Variants in CAMSAP2 observed in about 807,000 individuals in gnomAD.
CAMSAP2 encodes calmodulin-regulated spectrin-associated protein 2.
In CAMSAP2, 26 loss-of-function variants were observed where a neutral mutation model predicts 146.1. That is an observed-to-expected ratio of 0.18 (90% CI 0.13 to 0.25). The LOEUF is 0.25. Among genes scored for constraint, CAMSAP2 ranks in the 10% least tolerant of loss-of-function variants. CAMSAP2 has a pLI of 1.00. For synonymous variants in CAMSAP2, 499 were observed against 596.6 expected, an observed-to-expected ratio of 0.84 and a Z score of 2.38; for missense variants, 1,381 against 1,759.3, an observed-to-expected ratio of 0.78 and a Z score of 3.85.
intron 2 of CAMSAP2, among the ~76,000 whole-genome samples, chr1:200,786,748 T>G (rs1403201658): frequency 6.6e-6 from 1 of 152,182 alleles, no homozygotes; most frequent in Non-Finnish European, 1.5e-5. Context: ...AGGACTTGCA[T>G]AGCTAGAGAG....
chr1:200,739,884 C>T lies in CAMSAP2; in HGVS notation c.57C>T (p.Ile19=). Residue 19 remains isoleucine, a synonymous_variant, in exon 1 of 17, where the codon ATC becomes ATT. Transcript: ENST00000358823. The surrounding 1 kb of genome is among the most constrained non-coding windows in gnomAD (Gnocchi z 4.8). ...GAAAGACGTTCATTGTTCCAGCCAT[C>T]AAGCCTTTTGACCACTATGATTTCT... The part of the protein sequence containing the change: ...EMRKTFIVPA[I]KPFDHYDFSR... 6.2e-7 allele frequency: 1 copy of T among 1,614,182 alleles called. No homozygotes were observed. Among genetic ancestry groups the T allele is most frequent in the Non-Finnish European group, 8.5e-7 (1 of 1,180,022 alleles).
At chr1:200,841,938 T>C (rs1371656100) in intron 6 of CAMSAP2, 56 bp from the exon 7 acceptor site, 1 of 1,196,938 alleles carries the variant, frequency 8.4e-7, no homozygotes, top group Non-Finnish European at 1.2e-6. Context: ...ACAATAAAAT[T>C]CTGTTTATCA....
chr1:200,848,583 A>G lies in CAMSAP2; in HGVS notation c.1814A>G (p.Asn605Ser), dbSNP rs940484245. The G allele has an allele frequency of 6.8e-6, 11 of 1,614,068 alleles. No individual in the cohort carries two copies. The East Asian group carries it at 8.9e-5, about 13-fold the overall frequency. The stretch of plus-strand genomic sequence containing the variant: ...GGTGCCTTGAGTCCCATAACTGACA[A>G]TACTGAAGTAGACACTGGAATTCAC... Reference protein sequence around the residue: ...TKGALSPITDNTEVDTGIHVP... With the variant: ...TKGALSPITDSTEVDTGIHVP... The change falls in exon 11 of 17, where the codon AAT becomes AGT. Residue 605 changes from asparagine (N) to serine (S), a missense_variant. Physicochemically the swap from Asn to Ser is conservative, Grantham distance 46. This residue lies in a region of CAMSAP2 where 447 missense variants were observed against 462.2 expected (regional missense o/e 0.97). Transcript: ENST00000358823.
chr1:200,749,545 A>G (rs1664441117), intron 1 of CAMSAP2, among the ~76,000 whole-genome samples: 2 of 152,178 alleles, frequency 1.3e-5, no homozygotes, highest in African/African-American at 4.8e-5. Context: ...AATATTAGGT[A>G]TCTTGTTTTT....
In CAMSAP2 at chr1:200,857,873, A is replaced by G. The variant is rs1411385969; in HGVS notation, c.4251A>G (p.Ile1417Met). ...ETEEINKLTG[I>M]GPKSITKKMI... ...AAGAAATCAATAAACTGACTGGGAT[A>G]GGCCCTAAATCTATCACTAAAAAAA... is the stretch of plus-strand genomic sequence containing the variant. The change falls in exon 17 of 17, where the codon ATA becomes ATG. Residue 1417 changes from isoleucine (I) to methionine (M), a missense_variant. By Grantham distance (10) the Ile-to-Met change is conservative. Transcript: ENST00000358823. The surrounding 1 kb of genome is among the most constrained non-coding windows in gnomAD (Gnocchi z 4.7). 1 of 1,613,886 alleles carries G rather than the reference A, an allele frequency of 6.2e-7. No individual in the cohort carries two copies. Among genetic ancestry groups the G allele is most frequent in the Admixed American group, 1.7e-5 (1 of 60,010 alleles).
intron 11 of CAMSAP2, 122 bp downstream of exon 11, chr1:200,850,356 C>A: frequency 2.5e-6 from 2 of 793,126 alleles, no homozygotes; most frequent in Non-Finnish European, 3.9e-6. Flanking sequence ...GATACAAGTT[C>A]ATCCCCATTA....
intron 2 of CAMSAP2, among the ~76,000 whole-genome samples, chr1:200,795,379 C>CT (rs1320826916): frequency 1.3e-5 from 2 of 152,140 alleles, no homozygotes; most frequent in African/African-American, 2.4e-5. Flanking sequence ...GAGTCAGCCT[C>CT]TAAGGTTTGA....
intron 1 of CAMSAP2, among the ~76,000 whole-genome samples, chr1:200,756,410 G>A (rs772671047): frequency 4.0e-5 from 6 of 151,592 alleles, no homozygotes; most frequent in Non-Finnish European, 5.9e-5. Context: ...TCGAGATCAC[G>A]TCACTGCACT....
intron 6 of CAMSAP2, among the ~76,000 whole-genome samples, chr1:200,840,772 A>G (rs183152141): frequency 1.6e-3 from 238 of 152,280 alleles, no homozygotes; most frequent in African/African-American, 5.5e-3. Flanking sequence ...AATCTTAAAA[A>G]CTTTAATATG....
intron 2 of CAMSAP2, among the ~76,000 whole-genome samples, chr1:200,777,248 T>G (rs879323857): frequency 6.6e-6 from 1 of 152,178 alleles, no homozygotes; most frequent in African/African-American, 2.4e-5. Flanking sequence ...ATCCTAGATA[T>G]AGAATAAAGG....
At chr1:200,816,633 T>C (rs980634339) in intron 4 of CAMSAP2, among the ~76,000 whole-genome samples, 18 of 144,290 alleles carry the variant, frequency 1.2e-4, no homozygotes, top group Admixed American at 2.8e-4. Context: ...TATGTATATA[T>C]ATACACACAC....
chr1:200,754,731 C>T (rs547182661), intron 1 of CAMSAP2, among the ~76,000 whole-genome samples: 199 of 151,970 alleles, frequency 1.3e-3, no homozygotes, highest in African/African-American at 4.7e-3. Context: ...TACAGGCACC[C>T]GCCACCAGGC....
At chr1:200,759,977 C>G (rs1664757418) in intron 1 of CAMSAP2, among the ~76,000 whole-genome samples, 1 of 152,266 alleles carries the variant, frequency 6.6e-6, no homozygotes, top group East Asian at 1.9e-4. Flanking sequence ...AATACAAATG[C>G]CTTTGCTTAA....
At position 200,847,707 on chromosome 1, in the gene CAMSAP2, A is replaced by G; in HGVS notation, c.1260A>G (p.Lys420=). The G allele has an allele frequency of 6.2e-7, 1 of 1,607,820 alleles. No individual in the cohort carries two copies. The highest frequency in any genetic ancestry group is 1.1e-5 in the South Asian group (1 of 90,698). Residue 420 remains lysine, a splice_region_variant and synonymous_variant, in exon 10 of 17, where the codon AAA becomes AAG. Transcript: ENST00000358823. The stretch of plus-strand genomic sequence containing the variant: ...TCATAGGGACATGGCCCAAAGAGAA[A>G]AGGTAAACAAAGAGAATTACTTTTA... The part of the protein sequence containing the change: ...DGFIGTWPKE[K]RSSVHGVSFD...
At position 200,848,960 on chromosome 1, in the gene CAMSAP2, C is replaced by T; in HGVS notation, c.2191C>T (p.Pro731Ser). The change falls in exon 11 of 17, where the codon CCA becomes TCA. Residue 731 changes from proline (P) to serine (S), a missense_variant. Pro to Ser is a moderately conservative substitution (Grantham distance 74). Around this residue, in one of 4 missense-constraint regions of CAMSAP2, gnomAD observed 560 missense variants for 715.9 expected, o/e 0.78. Coordinates refer to ENST00000358823, the MANE Select transcript of CAMSAP2 (RefSeq NM_203459.4). ...TCATGTGGTTGCTTGGGCACAAATT[C>T]CAGAAGAAACAGGGCTTCCACAGGG... ...IPHVVAWAQI[P>S]EETGLPQGRD... 5.0e-6 allele frequency: 8 copies of T among 1,614,126 alleles called. No homozygotes were observed. Among genetic ancestry groups the T allele is most frequent in the Non-Finnish European group, 6.8e-6 (8 of 1,179,988 alleles).
At chr1:200,806,719 G>T (rs1392562781) in intron 2 of CAMSAP2, among the ~76,000 whole-genome samples, 1 of 150,990 alleles carries the variant, frequency 6.6e-6, no homozygotes, top group Non-Finnish European at 1.5e-5. Flanking sequence ...CTACTGTAAT[G>T]TTTTTTTTAG....
chr1:200,842,160 T>A, intron 7 of CAMSAP2, 73 bp downstream of exon 7: 1 of 1,100,024 alleles, frequency 9.1e-7, no homozygotes, highest in Admixed American at 2.0e-5. Context: ...CCTTACCTGG[T>A]TACATTTTTA....
At chr1:200,835,880 A>G (rs533989377) in intron 6 of CAMSAP2, among the ~76,000 whole-genome samples, 1 of 152,298 alleles carries the variant, frequency 6.6e-6, no homozygotes, top group Non-Finnish European at 1.5e-5. Context: ...ATAAGATTGC[A>G]TTTGTTTAAG....
chr1:200,760,759 A>G, intron 1 of CAMSAP2, 80 bp from the exon 2 acceptor site: 1 of 1,033,512 alleles, frequency 9.7e-7, no homozygotes, highest in Non-Finnish European at 1.4e-6. Flanking sequence ...ATTCTATGAC[A>G]TAAATAATAA....
Sources: allele counts gnomAD v4.1 joint callset (sites outside exome capture counted in the v4.1 genomes callset), GRCh38; gene constraint gnomAD v4.1.1; regional missense constraint gnomAD v4.1.1; non-coding constraint Gnocchi (gnomAD v3.1); transcripts MANE v1.5; gene names NCBI Gene and HGNC (gene_info 2026-07-23, HGNC 2026-07-21).